Variants in REN observed in about 807,000 individuals in gnomAD.
REN encodes renin.
Under a neutral mutation model 48.6 loss-of-function variants are expected in REN, and 42 were observed. That is an observed-to-expected ratio of 0.86 (90% confidence interval 0.68 to 1.12). The LOEUF is 1.12. Ranked by LOEUF, REN falls within the 50% of genes most tolerant of loss-of-function variation. REN has a pLI of 0.00. For synonymous variants in REN, 196 were observed against 204.6 expected, an observed-to-expected ratio of 0.96 and a Z score of 0.36; for missense variants, 443 against 527.3, an observed-to-expected ratio of 0.84 and a Z score of 1.57.
At chr1:204,155,307 G>T in intron 9 of REN, 130 bp from the exon 10 acceptor site, 1 of 1,055,188 alleles carries the variant, frequency 9.5e-7, no homozygotes. Context: ...GCCACACTGG[G>T]CCTCCCTCAC....
At position 204,154,952 on chromosome 1, in the gene REN, C is replaced by G; in HGVS notation, c.*64G>C. 1 of 1,589,548 alleles carries G rather than the reference C, an allele frequency of 6.3e-7. No homozygotes were observed. Among genetic ancestry groups the G allele is most frequent in the Non-Finnish European group, 8.6e-7 (1 of 1,163,752 alleles). Reference sequence around the variant, plus strand: ...GGCATAAGCCCAGGCAGAGGGGCATCTCAGAGAGTGTTCCAGCTCTGGGCC... The same window carrying G: ...GGCATAAGCCCAGGCAGAGGGGCATGTCAGAGAGTGTTCCAGCTCTGGGCC... On this transcript the variant is annotated 3_prime_UTR_variant, in exon 10 of 10. Coordinates refer to ENST00000272190, the MANE Select transcript of REN (RefSeq NM_000537.4).
intron 1 of REN, 97 bp downstream of exon 1, chr1:204,166,098 TA>T: frequency 2.0e-6 from 2 of 980,722 alleles, no homozygotes; most frequent in Non-Finnish European, 3.3e-6. Context: ...CAGCTGATCG[TA>T]AGGACTGAAT....
Position 204,156,746 on chromosome 1 carries a change from T to G in REN, c.749A>C (p.Gln250Pro), listed in dbSNP as rs1438634698. The G allele has an allele frequency of 6.2e-7, 1 of 1,614,036 alleles. No homozygotes were observed. The highest frequency in any genetic ancestry group is 8.5e-7 in the Non-Finnish European group (1 of 1,179,970). ...ATAGTGGAAATTCCCTTCGTAATGC[T>G]GGGGGTCGCTGCCTCCCAGCACAAT... ...GQIVLGGSDP[Q>P]HYEGNFHYIN... The change falls in exon 7 of 10, where the codon CAG becomes CCG. Residue 250 changes from glutamine (Q) to proline (P), a missense_variant. Transcript: ENST00000272190. The surrounding 1 kb of genome is among the most constrained non-coding windows in gnomAD (Gnocchi z 4.2).
In REN at chr1:204,155,034, G is replaced by A; in HGVS notation, c.1203C>T (p.Gly401=). ...GAGGGCCTCAGCGGGCCAAGGCGAA[G>A]CCAATGCGGTTGTTACGCCGATCAA... ...TEFDRRNNRI[G]FALAR Residue 401 remains glycine (G), a synonymous_variant, in exon 10 of 10, where the codon GGC becomes GGT. Transcript: ENST00000272190. 1.2e-6 allele frequency: 2 copies of A among 1,614,120 alleles called. No homozygotes were observed. The highest frequency in any genetic ancestry group is 4.5e-5 in the East Asian group (2 of 44,888).
intron 5 of REN, among the ~76,000 whole-genome samples, chr1:204,158,116 C>T (rs1274858624): frequency 6.6e-6 from 1 of 152,030 alleles, no homozygotes; most frequent in Non-Finnish European, 1.5e-5. Flanking sequence ...ACGCCACCCC[C>T]CATTCCCTTC....
At chr1:204,165,631 C>T (rs1438952537) in intron 1 of REN, among the ~76,000 whole-genome samples, 1 of 151,010 alleles carries the variant, frequency 6.6e-6, no homozygotes, top group Non-Finnish European at 1.5e-5. Flanking sequence ...CTTGTTCTGT[C>T]ACTCAGGCTG....
Position 204,161,316 on chromosome 1 carries a change from A to C in REN, c.349T>G (p.Cys117Gly). 4.4e-6 allele frequency: 7 copies of C among 1,608,488 alleles called. No individual in the cohort carries two copies. The highest frequency in any genetic ancestry group is 5.9e-6 in the Non-Finnish European group (7 of 1,177,532). ...SSNVWVPSSK[C>G]SRLYTACVYH... ...CCACAGGCAGTGTAGAGACGGCTGC[A>C]CTTGGAGGAGGGCACCCAAACATTG... The change falls in exon 3 of 10, where the codon TGC becomes GGC. Residue 117 changes from cysteine (C) to glycine (G), a missense_variant. Transcript: ENST00000272190.
At position 204,166,225 on chromosome 1, in the gene REN, A is replaced by C. The variant is rs750068463; in HGVS notation, c.69T>G (p.Gly23=). The change falls in exon 1 of 10, where the codon GGT becomes GGG. Residue 23 remains glycine, a synonymous_variant. Coordinates refer to ENST00000272190, the MANE Select transcript of REN (RefSeq NM_000537.4). The part of the protein sequence containing the change: ...LLLLWGSCTF[G]LPTDTTTFKR... ...TAAAGGTGGTGGTGTCTGTCGGGAGACCAAAGGTACAGGAGCCCCAGAGCA... is the reference window on the plus strand; with the variant it reads ...TAAAGGTGGTGGTGTCTGTCGGGAGCCCAAAGGTACAGGAGCCCCAGAGCA... 23 of 1,614,038 alleles carry C rather than the reference A, an allele frequency of 1.4e-5. No individual in the cohort carries two copies. Among genetic ancestry groups the C allele is most frequent in the Non-Finnish European group, 1.8e-5 (21 of 1,180,018 alleles).
chr1:204,161,905 C>T (rs539210693), intron 2 of REN, 108 bp downstream of exon 2: 2 of 1,430,528 alleles, frequency 1.4e-6, no homozygotes, highest in African/African-American at 1.4e-5. Flanking sequence ...CTACTCAGCG[C>T]CTTCGTCAAA....
intron 1 of REN, among the ~76,000 whole-genome samples, chr1:204,165,106 G>A (rs10900557): frequency 0.2 from 29,917 of 151,968 alleles, 3,185 homozygotes; most frequent in East Asian, 0.44. Flanking sequence ...CAAGTAGCTG[G>A]AATTACAGGC....
In REN at chr1:204,155,273, C is replaced by G. The variant is rs1225999947; in HGVS notation, c.1060-96G>C. On this transcript the variant is annotated intron_variant, in intron 9 of 9. Coordinates refer to ENST00000272190, the MANE Select transcript of REN (RefSeq NM_000537.4). ...AGCAACTGTCTTCAGCAACATTCCC[C>G]CTCTCGCCCCCATCTCTCCCCTAGC... is the stretch of plus-strand genomic sequence containing the variant. 6.4e-6 allele frequency: 9 copies of G among 1,413,112 alleles called. No homozygotes were observed. In the East Asian group the frequency reaches 2.1e-4, roughly 32 times the overall value. The allele number at this position is 1,413,112 out of a possible 1,614,324, so 87.5% of individuals were successfully genotyped here.
chr1:204,158,009 C>A (rs923120383), intron 5 of REN, among the ~76,000 whole-genome samples: 7 of 152,194 alleles, frequency 4.6e-5, no homozygotes, highest in African/African-American at 1.7e-4. Flanking sequence ...CTCTTTCTTT[C>A]CATTGGCTTC....
rs373508887 is a variant in REN, at chr1:204,166,222, G to A, written c.72C>T (p.Leu24=). ...GTTTAAAGGTGGTGGTGTCTGTCGGGAGACCAAAGGTACAGGAGCCCCAGA... is the reference window on the plus strand; with the variant it reads ...GTTTAAAGGTGGTGGTGTCTGTCGGAAGACCAAAGGTACAGGAGCCCCAGA... ...LLLWGSCTFG[L]PTDTTTFKRI... The change falls in exon 1 of 10, where the codon CTC becomes CTT. Residue 24 remains leucine, a synonymous_variant. Coordinates refer to ENST00000272190, the MANE Select transcript of REN (RefSeq NM_000537.4). 3.5e-5 allele frequency: 56 copies of A among 1,614,052 alleles called. No homozygotes were observed. The highest frequency in any genetic ancestry group is 4.4e-5 in the Non-Finnish European group (52 of 1,180,028).
chr1:204,158,425 T>C (rs1458818649), intron 5 of REN, among the ~76,000 whole-genome samples: 1 of 148,586 alleles, frequency 6.7e-6, no homozygotes, highest in Non-Finnish European at 1.5e-5. Context: ...TTTTTTTTTT[T>C]TTTTTTTTTT....
At position 204,161,974 on chromosome 1, in the gene REN, G is replaced by C. The variant is rs535006209; in HGVS notation, c.249+39C>G. On this transcript the variant is annotated intron_variant, in intron 2 of 9. Coordinates refer to ENST00000272190, the MANE Select transcript of REN (RefSeq NM_000537.4). ...AAAGCCCTAGGTCCATGAGGGAAAG[G>C]AGACAGGGAGGGAGCGAGGGGCTGA... 4 of 1,611,886 alleles carry C rather than the reference G, an allele frequency of 2.5e-6. No homozygotes were observed. The African/African-American group carries it at 4.0e-5, about 16-fold the overall frequency.
At chr1:204,159,101 A>G (rs1311105841) in intron 5 of REN, among the ~76,000 whole-genome samples, 1 of 152,156 alleles carries the variant, frequency 6.6e-6, no homozygotes, top group Non-Finnish European at 1.5e-5. Flanking sequence ...CATGCTGGGA[A>G]TATTCTCTAT....
At position 204,159,537 on chromosome 1, in the gene REN, G is replaced by A. The variant is rs1239082918; in HGVS notation, c.551C>T (p.Pro184Leu). The A allele has an allele frequency of 2.5e-6, 4 of 1,614,162 alleles. No homozygotes were observed. Among genetic ancestry groups the A allele is most frequent in the Non-Finnish European group, 3.4e-6 (4 of 1,180,034 alleles). Residue 184 changes from proline (P) to leucine (L), a missense_variant, in exon 5 of 10, where the codon CCC (proline) becomes CTC (leucine). Coordinates refer to ENST00000272190, the MANE Select transcript of REN (RefSeq NM_000537.4). ...FGEVTEMPALPFMLAEFDGVV... is the reference protein window; with the variant it reads ...FGEVTEMPALLFMLAEFDGVV... ...CCCATCAAACTCGGCCAGCATGAAGGGTAAGGCGGGCATCTCCGTGACCTC... is the reference window on the plus strand; with the variant it reads ...CCCATCAAACTCGGCCAGCATGAAGAGTAAGGCGGGCATCTCCGTGACCTC...
chr1:204,165,359 T>A (rs1366460357), intron 1 of REN, among the ~76,000 whole-genome samples: 2 of 152,196 alleles, frequency 1.3e-5, no homozygotes, highest in Non-Finnish European at 2.9e-5. Context: ...CTATGCCTTA[T>A]CTCCTAAAAT....
intron 1 of REN, among the ~76,000 whole-genome samples, chr1:204,164,530 C>T (rs1402463212): frequency 1.3e-5 from 2 of 149,348 alleles, no homozygotes; most frequent in Non-Finnish European, 3.0e-5. Flanking sequence ...TCTGTGAGGC[C>T]TTTTCTCAAA....
Sources: gnomAD v4.1 joint callset for allele counts (sites outside exome capture counted in the v4.1 genomes callset) on GRCh38, gnomAD v4.1.1 for gene constraint, Gnocchi (gnomAD v3.1) non-coding constraint, MANE v1.5 for transcripts, NCBI Gene and HGNC (gene_info 2026-07-23, HGNC 2026-07-21) for gene names.